DPP6: variants seen among roughly 807,000 people sequenced by gnomAD.
The protein encoded by DPP6 is A-type potassium channel modulatory protein DPP6.
In DPP6, 69 loss-of-function variants were observed where a neutral mutation model predicts 122.6. That is an observed-to-expected ratio of 0.56 (90% confidence interval 0.46 to 0.69). The LOEUF (loss-of-function observed/expected upper bound fraction) is 0.69, where lower values mean the gene tolerates loss of function less well. DPP6 is among the 30% of genes least tolerant of loss of function. DPP6 has a pLI of 0.00. For synonymous variants in DPP6, 418 were observed against 433.1 expected, an observed-to-expected ratio of 0.97 and a Z score of 0.43; for missense variants, 928 against 1,116.9, an observed-to-expected ratio of 0.83 and a Z score of 2.41.
At chr7:154,763,355 GGAGAGA>G (rs5888592) in intron 8 of DPP6, among the ~76,000 whole-genome samples, 28 of 146,036 alleles carry the variant, frequency 1.9e-4, no homozygotes, top group African/African-American at 3.8e-4. Context: ...AAGGAAGGAA[GGAGAGA>G]GAGAGAGAGA....
chr7:154,362,715 A>T (rs1811832918), intron 1 of DPP6, among the ~76,000 whole-genome samples: 1 of 151,866 alleles, frequency 6.6e-6, no homozygotes, highest in Admixed American at 6.6e-5. Flanking sequence ...ATGAGCCACC[A>T]TGCCTGGCCG....
intron 2 of DPP6, among the ~76,000 whole-genome samples, chr7:154,452,444 G>T (rs972283401): frequency 6.6e-6 from 1 of 152,178 alleles, no homozygotes; most frequent in Non-Finnish European, 1.5e-5. Context: ...GTCACACTTC[G>T]CATATGTTTG....
At chr7:154,713,526 T>C (rs1841316522) in intron 7 of DPP6, among the ~76,000 whole-genome samples, 1 of 152,246 alleles carries the variant, frequency 6.6e-6, no homozygotes. Flanking sequence ...CAAACCTCAA[T>C]TCTTGACTTC....
At chr7:153,875,541 AT>A in the DPP6 span, among the ~76,000 whole-genome samples, 1 of 152,118 alleles carries the variant, frequency 6.6e-6, no homozygotes, top group Non-Finnish European at 1.5e-5. Context: ...TTGTTAAATA[AT>A]ATTTGATTAC....
At chr7:154,085,042 CTT>C (rs1333972258) in intron 1 of DPP6, among the ~76,000 whole-genome samples, 5 of 147,862 alleles carry the variant, frequency 3.4e-5, no homozygotes, top group Admixed American at 1.3e-4. Flanking sequence ...TGTTGTATCT[CTT>C]TTTCTTTTGT....
chr7:154,857,144 G>C (rs1802911023), intron 17 of DPP6, among the ~76,000 whole-genome samples: 1 of 152,090 alleles, frequency 6.6e-6, no homozygotes, highest in Admixed American at 6.5e-5. Flanking sequence ...AGCTCTTTCA[G>C]GATGGTAACT....
At chr7:154,015,010 T>C (rs985084410) in intron 1 of DPP6, among the ~76,000 whole-genome samples, 2 of 152,152 alleles carry the variant, frequency 1.3e-5, no homozygotes, top group African/African-American at 4.8e-5. Flanking sequence ...GTTCATTAAA[T>C]GAATGCTGGA....
chr7:153,843,705 A>G, the DPP6 span, among the ~76,000 whole-genome samples: 1 of 152,206 alleles, frequency 6.6e-6, no homozygotes, highest in Non-Finnish European at 1.5e-5. Context: ...ATGCAGAGAT[A>G]AGAACTTACA....
intron 1 of DPP6, among the ~76,000 whole-genome samples, chr7:154,128,948 C>T (rs547445022): frequency 0.029 from 4,475 of 151,846 alleles, 218 homozygotes; most frequent in African/African-American, 0.1. Flanking sequence ...CAGAATATGC[C>T]GTCCTGGGCA....
At chr7:153,923,274 G>A (rs1017228698) in intron 1 of DPP6, among the ~76,000 whole-genome samples, 2 of 152,196 alleles carry the variant, frequency 1.3e-5, no homozygotes, top group Admixed American at 1.3e-4. Flanking sequence ...AAAGGGCAAG[G>A]TGAACATAAC....
intron 7 of DPP6, among the ~76,000 whole-genome samples, chr7:154,690,707 T>C (rs1839885773): frequency 6.6e-6 from 1 of 152,114 alleles, no homozygotes; most frequent in Admixed American, 6.6e-5. Context: ...GAAAGTCCTG[T>C]GGAAACACCC....
chr7:154,642,506 T>C (rs10901041), intron 6 of DPP6, among the ~76,000 whole-genome samples: 114,798 of 151,910 alleles, frequency 0.76, 43,656 homozygotes, highest in East Asian at 0.98. Flanking sequence ...AGGAGAATCG[T>C]TTGAACCCAA....
the DPP6 span, among the ~76,000 whole-genome samples, chr7:153,803,438 A>T: frequency 7.0e-6 from 1 of 141,944 alleles, no homozygotes; most frequent in Non-Finnish European, 1.5e-5. Flanking sequence ...CAGAGGAAAG[A>T]ATTCACCCCT....
chr7:153,994,685 A>C (rs956866139), intron 1 of DPP6, among the ~76,000 whole-genome samples: 16 of 152,194 alleles, frequency 1.1e-4, no homozygotes, highest in Non-Finnish European at 2.1e-4. Flanking sequence ...GTTTCTCCTA[A>C]AATTTTAATT....
chr7:153,834,893 G>T, the DPP6 span, among the ~76,000 whole-genome samples: 1 of 152,102 alleles, frequency 6.6e-6, no homozygotes, highest in Non-Finnish European at 1.5e-5. Context: ...ATTTTCACTC[G>T]GCAATAACTA....
At chr7:154,771,987 G>A (rs962177010) in intron 9 of DPP6, among the ~76,000 whole-genome samples, 1 of 152,170 alleles carries the variant, frequency 6.6e-6, no homozygotes, top group Non-Finnish European at 1.5e-5. Context: ...GAGATGAATG[G>A]TTCCCATGGT....
chr7:154,789,984 G>A (rs1436505563), intron 10 of DPP6, among the ~76,000 whole-genome samples: 4 of 152,202 alleles, frequency 2.6e-5, no homozygotes, highest in African/African-American at 9.7e-5. Flanking sequence ...GATCACTTGA[G>A]GCCAGGAGTT....
rs1277515605 is a variant in DPP6, at chr7:153,893,992, G to T, written c.51+6258G>T. On this transcript the variant is annotated intron_variant, in intron 1 of 25. Transcript: ENST00000404039. Reference sequence around the variant, plus strand: ...AAAACTGGTCTTAGAGGTACAGCAGGCTGTTTCAGCAGCTGAGCTTGTGGG... The same window carrying T: ...AAAACTGGTCTTAGAGGTACAGCAGTCTGTTTCAGCAGCTGAGCTTGTGGG... Among the ~76,000 whole-genome samples, 4 of 152,194 alleles carry T rather than the reference G, an allele frequency of 2.6e-5. No homozygotes were observed. The East Asian group carries it at 7.7e-4, about 29-fold the overall frequency.
In DPP6 at chr7:154,480,155, T is replaced by C. The variant is rs1228699969; in HGVS notation, c.457+5118T>C. ...TCTCCCCTAAATTTTTGTTCTGTAT[T>C]GGCTGATTCCTATCATGAACGAAAT... is the stretch of plus-strand genomic sequence containing the variant. On this transcript the variant is annotated intron_variant, in intron 3 of 25. Transcript: ENST00000377770. 2.6e-5 allele frequency among the ~76,000 whole-genome samples: 4 copies of C among 152,182 alleles called. No individual in the cohort carries two copies. In the East Asian group the frequency reaches 7.7e-4, roughly 29 times the overall value.
Sources: allele counts gnomAD v4.1 joint callset (sites outside exome capture counted in the v4.1 genomes callset), GRCh38; gene constraint gnomAD v4.1.1; transcripts MANE v1.5; gene names NCBI Gene and HGNC (gene_info 2026-07-23, HGNC 2026-07-21).